Variants in BZW2 observed in about 807,000 individuals in gnomAD.
BZW2 encodes the protein basic leucine zipper and W2 domains 2.
In BZW2, 23 loss-of-function variants were observed where a neutral mutation model predicts 53.2. The ratio of observed to expected loss-of-function variants is 0.43; its 90% CI spans 0.31 to 0.61. The LOEUF is 0.61. BZW2 is among the 20% of genes least tolerant of loss of function. The pLI is 0.09. For synonymous variants in BZW2, 227 were observed against 186.4 expected, an observed-to-expected ratio of 1.22 and a Z score of -1.77; for missense variants, 409 against 503.1, an observed-to-expected ratio of 0.81 and a Z score of 1.79.
At chr7:16,681,445 G>A in intron 4 of BZW2, 41 bp downstream of exon 4, 2 of 1,524,766 alleles carry the variant, frequency 1.3e-6, no homozygotes, top group African/African-American at 1.4e-5. Context: ...GAAGAGGACT[G>A]AGGAAAACTC....
At chr7:16,684,432 A>T (rs1452392486) in intron 5 of BZW2, among the ~76,000 whole-genome samples, 1 of 152,212 alleles carries the variant, frequency 6.6e-6, no homozygotes, top group East Asian at 1.9e-4. Context: ...TTATGTTTTA[A>T]TGTTGATTAA....
intron 1 of BZW2, among the ~76,000 whole-genome samples, chr7:16,664,755 T>C (rs766861309): frequency 2.2e-4 from 33 of 152,204 alleles, no homozygotes; most frequent in Non-Finnish European, 4.0e-4. Context: ...TAAATCCTTT[T>C]ACATATACAA....
At chr7:16,669,770 G>T (rs1782543339) in intron 2 of BZW2, among the ~76,000 whole-genome samples, 1 of 152,130 alleles carries the variant, frequency 6.6e-6, no homozygotes, top group South Asian at 2.1e-4. Flanking sequence ...GTCAGTACAA[G>T]GGCTATGATG....
intron 1 of BZW2, among the ~76,000 whole-genome samples, chr7:16,664,799 G>A (rs1782370621): frequency 6.6e-6 from 1 of 152,138 alleles, no homozygotes; most frequent in Non-Finnish European, 1.5e-5. Context: ...TATAGCTACA[G>A]GATAAATTCC....
intron 4 of BZW2, 136 bp from the exon 5 acceptor site, chr7:16,682,644 C>T: frequency 2.6e-6 from 1 of 384,592 alleles, no homozygotes; most frequent in Non-Finnish European, 4.6e-6. Flanking sequence ...GCTTATAGTT[C>T]TTATATTACA....
intron 1 of BZW2, among the ~76,000 whole-genome samples, chr7:16,660,949 T>C (rs1782243431): frequency 6.6e-6 from 1 of 152,152 alleles, no homozygotes; most frequent in South Asian, 2.1e-4. Flanking sequence ...CCATGGCTGC[T>C]TTCACACTGT....
chr7:16,686,009 C>T lies in BZW2; in HGVS notation c.510C>T (p.Thr170=). The T allele has an allele frequency of 6.2e-7, 1 of 1,610,792 alleles. No individual in the cohort carries two copies. ...GNGTLPATIL[T]SLFTDSLVKE... is the part of the protein sequence containing the mutation. ...GCACCCTGCCCGCCACCATCCTCACCAGTCTCTTCACCGACAGCTTAGTCA... is the reference window on the plus strand; with the variant it reads ...GCACCCTGCCCGCCACCATCCTCACTAGTCTCTTCACCGACAGCTTAGTCA... Residue 170 remains threonine (T), a synonymous_variant, in exon 6 of 12, where the codon ACC becomes ACT. Coordinates refer to ENST00000258761, the MANE Select transcript of BZW2 (RefSeq NM_014038.3).
chr7:16,695,135 C>T, intron 8 of BZW2, 131 bp downstream of exon 8: 1 of 813,194 alleles, frequency 1.2e-6, no homozygotes, highest in Non-Finnish European at 1.7e-6. Flanking sequence ...CTTATTCCTA[C>T]CATTTAAATT....
Position 16,661,520 on chromosome 7 carries a change from C to A in BZW2, c.-7-3917C>A, listed in dbSNP as rs550379572. On this transcript the variant is annotated intron_variant, in intron 1 of 11. Transcript: ENST00000258761. ...AAGATTAACAGACTGAGGTAGGTAA[C>A]AGAAATAAATGTAATAGGTTAGACC... Among the ~76,000 whole-genome samples the A allele has an allele frequency of 2.1e-4, 32 of 152,138 alleles. 1 individual carries two copies. The highest frequency in any genetic ancestry group is 7.7e-4 in the African/African-American group (32 of 41,514).
At chr7:16,676,935 C>T (rs981190531) in intron 3 of BZW2, among the ~76,000 whole-genome samples, 1 of 152,116 alleles carries the variant, frequency 6.6e-6, no homozygotes, top group African/African-American at 2.4e-5. Context: ...TCTTACATTA[C>T]TCCTGGCTTC....
At chr7:16,668,237 C>T (rs1335640127) in intron 2 of BZW2, among the ~76,000 whole-genome samples, 2 of 152,160 alleles carry the variant, frequency 1.3e-5, no homozygotes, top group Non-Finnish European at 2.9e-5. Context: ...ATGTGTTGCA[C>T]AACAGCAGAC....
At chr7:16,705,684 CA>C (rs1180087983) in intron 11 of BZW2, among the ~76,000 whole-genome samples, 100 of 53,878 alleles carry the variant, frequency 1.9e-3, no homozygotes, top group East Asian at 5.4e-3. Context: ...GACTCCATCT[CA>C]AAAAAAAAAA....
chr7:16,678,054 C>T (rs1583725414), intron 3 of BZW2, among the ~76,000 whole-genome samples: 1 of 137,988 alleles, frequency 7.2e-6, no homozygotes, highest in Non-Finnish European at 1.6e-5. Context: ...TAGAAATTTT[C>T]CTGACACTCA....
Position 16,694,860 on chromosome 7 carries a change from T to C in BZW2, c.678T>C (p.Ser226=), listed in dbSNP as rs1257327269. 4 of 1,548,294 alleles carry C rather than the reference T, an allele frequency of 2.6e-6. No individual in the cohort carries two copies. The highest frequency in any genetic ancestry group is 3.5e-6 in the Non-Finnish European group (4 of 1,131,048). The change falls in exon 8 of 12, where the codon AGT becomes AGC. Residue 226 remains serine (S), a synonymous_variant. Coordinates refer to ENST00000258761, the MANE Select transcript of BZW2 (RefSeq NM_014038.3). ...LLELFPVNRQ[S]VDHFAKYFTD... ...AACTCTTTCCAGTTAACAGACAGAG[T>C]GTGGATCATTTTGCTAAATACTTCA...
Position 16,681,291 on chromosome 7 carries a change from C to G in BZW2, c.236-10C>G. 6.2e-7 allele frequency: 1 copy of G among 1,607,266 alleles called. No individual in the cohort carries two copies. Among genetic ancestry groups the G allele is most frequent in the Middle Eastern group, 1.7e-4 (1 of 6,048 alleles). ...TATTATCCTAATTACAATTACCTTT[C>G]TCTTTTTAGCCCCTGGAGGAACGCG... On this transcript the variant is annotated splice_polypyrimidine_tract_variant and intron_variant, in intron 3 of 11. Coordinates refer to ENST00000258761, the MANE Select transcript of BZW2 (RefSeq NM_014038.3).
At chr7:16,688,031 G>GTT (rs576973116) in intron 6 of BZW2, among the ~76,000 whole-genome samples, 1 of 146,428 alleles carries the variant, frequency 6.8e-6, no homozygotes. Flanking sequence ...AGCCGTTTTT[G>GTT]TTTTTTTTTT....
chr7:16,689,993 C>A, intron 7 of BZW2, 87 bp downstream of exon 7: 2 of 912,452 alleles, frequency 2.2e-6, no homozygotes, highest in Non-Finnish European at 3.2e-6. Context: ...TGAGTAAGAT[C>A]CCTGGATCTG....
chr7:16,705,495 C>G (rs1195223440), intron 11 of BZW2, among the ~76,000 whole-genome samples: 1 of 151,888 alleles, frequency 6.6e-6, no homozygotes, highest in Non-Finnish European at 1.5e-5. Flanking sequence ...ACCATCTTGC[C>G]TAACACAGTG....
At position 16,656,150 on chromosome 7, in the gene BZW2, T is replaced by TATATATATATATATATATATATATATAC. The variant is rs143994492; in HGVS notation, c.-7-9286_-7-9285insTATATATATATATATATATATATATACA. ...ATATATAAATGACTATATATATATA[T>TATATATATATATATATATATATATATAC]ACATAAATATTTTTTCCCAGTACAG... On this transcript the variant is annotated intron_variant, in intron 1 of 11. Coordinates refer to ENST00000258761, the MANE Select transcript of BZW2 (RefSeq NM_014038.3). Among the ~76,000 whole-genome samples, 37 of 150,248 alleles carry TATATATATATATATATATATATATATAC rather than the reference T, an allele frequency of 2.5e-4. 1 individual carries two copies. The highest frequency in any genetic ancestry group is 3.5e-3 in the Middle Eastern group (1 of 288).
Sources: gnomAD v4.1 joint callset for allele counts (sites outside exome capture counted in the v4.1 genomes callset) on GRCh38, gnomAD v4.1.1 for gene constraint, MANE v1.5 for transcripts, NCBI Gene and HGNC (gene_info 2026-07-23, HGNC 2026-07-21) for gene names.